Variants in SAFB2 observed in about 807,000 individuals in gnomAD.
SAFB2 encodes the protein scaffold attachment factor B2.
A neutral mutation model predicts 100.6 loss-of-function variants in SAFB2; 32 were observed. That is an observed-to-expected ratio of 0.32 (90% CI 0.24 to 0.43). The LOEUF (loss-of-function observed/expected upper bound fraction) is 0.43. SAFB2 is among the 20% of genes least tolerant of loss of function. The probability of loss-of-function intolerance (pLI) is 1.00; values close to 1 mark genes in which losing one functional copy is unlikely to be tolerated. For synonymous variants in SAFB2, 500 were observed against 439.4 expected, an observed-to-expected ratio of 1.14 and a Z score of -1.72; for missense variants, 1,185 against 1,163.4, an observed-to-expected ratio of 1.02 and a Z score of -0.27.
At chr19:5,619,311 C>T (rs1380341371) in intron 2 of SAFB2, among the ~76,000 whole-genome samples, 1 of 152,142 alleles carries the variant, frequency 6.6e-6, no homozygotes, top group East Asian at 1.9e-4. Context: ...GGCTTGGTTA[C>T]TTCTCTGAAA....
At chr19:5,621,137 T>C (rs969189399) in intron 2 of SAFB2, among the ~76,000 whole-genome samples, 172 bp downstream of exon 2, 1 of 152,226 alleles carries the variant, frequency 6.6e-6, no homozygotes, top group Non-Finnish European at 1.5e-5. Flanking sequence ...TCCTCCTCCC[T>C]GTGCCCTTGA....
chr19:5,594,168 G>T lies in SAFB2; in HGVS notation c.1930C>A (p.Gln644Lys), dbSNP rs1464742620. The T allele has an allele frequency of 1.3e-6, 2 of 1,594,738 alleles. No homozygotes were observed. Among genetic ancestry groups the T allele is most frequent in the Non-Finnish European group, 8.5e-7 (1 of 1,176,524 alleles). Reference protein sequence around the residue: ...RETERRREREQREREQRLEAF... With the variant: ...RETERRREREKREREQRLEAF... ...TCGAGGCGTTGCTCCCGCTCCCGCT[G>T]CTCGCGCTCCCTGCGGGGACAGGTG... Residue 644 changes from glutamine to lysine, a missense_variant, in exon 15 of 21, where the codon CAG (glutamine) becomes AAG (lysine). Gln to Lys is a moderately conservative substitution (Grantham distance 53). This residue lies in a region of SAFB2 where 740 missense variants were observed against 687.1 expected (regional missense o/e 1.08). Transcript: ENST00000252542.
chr19:5,618,497 T>G (rs8112096), intron 2 of SAFB2, among the ~76,000 whole-genome samples: 5,543 of 152,352 alleles, frequency 0.036, 134 homozygotes, highest in Non-Finnish European at 0.058. Flanking sequence ...CTTTTTCCAG[T>G]CTATCATTTA....
chr19:5,608,514 T>C (rs376303458), intron 9 of SAFB2, among the ~76,000 whole-genome samples: 15 of 152,280 alleles, frequency 9.9e-5, no homozygotes, highest in South Asian at 2.1e-4. Flanking sequence ...CAGAGAAAAA[T>C]TGAACAGCAC....
In SAFB2 at chr19:5,598,924, C is replaced by T. The variant is rs368051706; in HGVS notation, c.1691-40G>A. The T allele has an allele frequency of 4.8e-4, 769 of 1,592,266 alleles. 1 individual carries two copies. The highest frequency in any genetic ancestry group is 9.5e-4 in the Admixed American group (57 of 59,812). ...ACAACAAACTATCAAAACCTGTGGA[C>T]GCCCCAACTTCCCGCAGTAAACAGC... On this transcript the variant is annotated intron_variant, in intron 12 of 20. Coordinates refer to ENST00000252542, the MANE Select transcript of SAFB2 (RefSeq NM_014649.3).
At chr19:5,588,733 C>CT (rs1480182975) in intron 18 of SAFB2, among the ~76,000 whole-genome samples, 7 of 152,114 alleles carry the variant, frequency 4.6e-5, no homozygotes, top group Non-Finnish European at 8.8e-5. Context: ...GGTGCAGCTG[C>CT]TAAAAGGGGC....
chr19:5,600,015 G>T, intron 12 of SAFB2, 115 bp downstream of exon 12: 1 of 1,075,840 alleles, frequency 9.3e-7, no homozygotes, highest in Non-Finnish European at 1.4e-6. Context: ...ACTGCCATAT[G>T]AACAGCGAAA....
intron 9 of SAFB2, among the ~76,000 whole-genome samples, chr19:5,609,300 C>CTTTT (rs751534976): frequency 1.5e-3 from 176 of 118,758 alleles, no homozygotes; most frequent in East Asian, 2.6e-3. Context: ...TCACTTCATT[C>CTTTT]TTTTTTTTTT....
intron 11 of SAFB2, among the ~76,000 whole-genome samples, chr19:5,602,832 A>G (rs1306780436): frequency 6.6e-6 from 1 of 152,154 alleles, no homozygotes; most frequent in Non-Finnish European, 1.5e-5. Flanking sequence ...TCTTCCACCA[A>G]TACAGACATT....
At chr19:5,604,291 G>A (rs1435412017) in intron 11 of SAFB2, among the ~76,000 whole-genome samples, 2 of 152,222 alleles carry the variant, frequency 1.3e-5, no homozygotes, top group Non-Finnish European at 2.9e-5. Context: ...AGTAGTCCCA[G>A]TTACTTGGGA....
At chr19:5,592,378 C>T (rs2052428396) in intron 16 of SAFB2, among the ~76,000 whole-genome samples, 1 of 152,184 alleles carries the variant, frequency 6.6e-6, no homozygotes, top group African/African-American at 2.4e-5. Flanking sequence ...AAACAGGCCT[C>T]ATGAGAAATT....
intron 18 of SAFB2, among the ~76,000 whole-genome samples, chr19:5,589,490 C>T (rs973975602): frequency 6.6e-5 from 10 of 151,884 alleles, no homozygotes; most frequent in Admixed American, 2.0e-4. Flanking sequence ...GGGCAGGGTC[C>T]GAGGCAGCCC....
At chr19:5,604,739 C>T in intron 10 of SAFB2, 44 bp from the exon 11 acceptor site, 2 of 1,613,934 alleles carry the variant, frequency 1.2e-6, no homozygotes, top group Non-Finnish European at 1.7e-6. Context: ...CAGAGCTTCT[C>T]ACTTGCAAAC....
In SAFB2 at chr19:5,590,405, A is replaced by C; in HGVS notation, c.2398T>G (p.Tyr800Asp). 1 of 1,607,134 alleles carries C rather than the reference A, an allele frequency of 6.2e-7. No individual in the cohort carries two copies. Among genetic ancestry groups the C allele is most frequent in the Non-Finnish European group, 8.5e-7 (1 of 1,176,600 alleles). The change falls in exon 18 of 21, where the codon TAT (tyrosine) becomes GAT (aspartate). Residue 800 changes from tyrosine to aspartate, a missense_variant. Physicochemically the swap from Tyr to Asp is radical, Grantham distance 160. Around this residue, in one of 3 missense-constraint regions of SAFB2, gnomAD observed 740 missense variants for 687.1 expected, o/e 1.08. Transcript: ENST00000252542. Reference sequence around the variant, plus strand: ...CCGTGGCCATGGCGGTCATCTCCATAGTGCTGGAAGGCAGGAGAGGAACAG... The same window carrying C: ...CCGTGGCCATGGCGGTCATCTCCATCGTGCTGGAAGGCAGGAGAGGAACAG... ...MMGDHRDGQH[Y>D]GDDRHGHGGP... is the part of the protein sequence containing the mutation.
rs149805069 is a variant in SAFB2 at position 5,616,091 on chromosome 19, G to A, written c.543+41C>T. 8.7e-4 allele frequency: 1,383 copies of A among 1,595,866 alleles called. 2 individuals are homozygous for A. The highest frequency in any genetic ancestry group is 1.1e-3 in the Non-Finnish European group (1,316 of 1,165,298). ...GCAGCACGCGAGCACCAGGTGCCTC[G>A]GGGCTATGGGCACATCCTGCCGTGT... On this transcript the variant is annotated intron_variant, in intron 4 of 20. Transcript: ENST00000252542.
chr19:5,609,051 CAAAAAAAAA>C (rs60419324), intron 9 of SAFB2, among the ~76,000 whole-genome samples: 1 of 72,702 alleles, frequency 1.4e-5, no homozygotes, highest in Admixed American at 1.8e-4. Flanking sequence ...GACGCAGTCT[CAAAAAAAAA>C]AAAAAAAAAA....
intron 14 of SAFB2, among the ~76,000 whole-genome samples, chr19:5,594,585 A>C (rs549726418): frequency 6.6e-5 from 10 of 152,296 alleles, no homozygotes; most frequent in Non-Finnish European, 1.3e-4. Flanking sequence ...CTCTGCTTGC[A>C]GTTTCTGACC....
rs1480844778 is a variant in SAFB2 at position 5,587,249 on chromosome 19, G to C, written c.2856C>G (p.Arg952=). 1 of 1,611,830 alleles carries C rather than the reference G, an allele frequency of 6.2e-7. No homozygotes were observed. Among genetic ancestry groups the C allele is most frequent in the Non-Finnish European group, 8.5e-7 (1 of 1,178,986 alleles). ...HPPPYPHFTR[R]Y is the part of the protein sequence containing the mutation. ...AACTCGCAGCGAGTGGGACTTAGTAGCGGCGGGTGAAGTGGGGGTACGGGG... is the reference window on the plus strand; with the variant it reads ...AACTCGCAGCGAGTGGGACTTAGTACCGGCGGGTGAAGTGGGGGTACGGGG... The change falls in exon 21 of 21, where the codon CGC becomes CGG. Residue 952 remains arginine, a synonymous_variant. Coordinates refer to ENST00000252542, the MANE Select transcript of SAFB2 (RefSeq NM_014649.3). The surrounding 1 kb of genome is among the most constrained non-coding windows in gnomAD (Gnocchi z 4.9).
At chr19:5,602,892 A>C (rs1476668449) in intron 11 of SAFB2, among the ~76,000 whole-genome samples, 1 of 151,934 alleles carries the variant, frequency 6.6e-6, no homozygotes, top group Non-Finnish European at 1.5e-5. Flanking sequence ...TTGCTGATTA[A>C]ATTAGAGGGC....
Sources: gnomAD v4.1 joint callset for allele counts (sites outside exome capture counted in the v4.1 genomes callset) on GRCh38, gnomAD v4.1.1 for gene constraint, gnomAD v4.1.1 regional missense constraint, Gnocchi (gnomAD v3.1) non-coding constraint, MANE v1.5 for transcripts, NCBI Gene and HGNC (gene_info 2026-07-23, HGNC 2026-07-21) for gene names.